Variants in PDE10A observed in about 807,000 individuals in gnomAD.
The protein encoded by PDE10A is phosphodiesterase 10A, also known as cAMP and cAMP-inhibited cGMP 3',5'-cyclic phosphodiesterase 10A.
PDE10A carries 39 observed loss-of-function variants against 97.7 expected under a neutral mutation model. The ratio of observed to expected loss-of-function variants is 0.40; its 90% CI spans 0.31 to 0.52. The LOEUF (loss-of-function observed/expected upper bound fraction) is 0.52, where lower values mean the gene tolerates loss of function less well. Among genes scored for constraint, PDE10A ranks in the 20% least tolerant of loss-of-function variants. The pLI is 0.56. For missense variants in PDE10A, 731 were observed against 1,047.8 expected (o/e 0.70, Z 4.17); for synonymous variants, 371 against 376.8 (o/e 0.98, Z 0.18).
Position 165,579,611 on chromosome 6 carries a change from A to C in PDE10A, c.866-36043T>G, listed in dbSNP as rs112715759. ...TATCATCCTTCACCTGGCTACTCCA[A>C]TAGCTTTCTAACTGGTTAACCTGCA... On this transcript the variant is annotated intron_variant, in intron 1 of 21. Coordinates refer to ENST00000539869, the MANE Select transcript of PDE10A (RefSeq NM_001385079.1). Among the ~76,000 whole-genome samples the C allele has an allele frequency of 5.1e-3, 773 of 152,280 alleles. 3 individuals are homozygous for C. The highest frequency in any genetic ancestry group is 0.017 in the African/African-American group (723 of 41,550).
chr6:165,608,217 T>A (rs901593407), intron 1 of PDE10A, among the ~76,000 whole-genome samples: 2 of 150,356 alleles, frequency 1.3e-5, no homozygotes, highest in Admixed American at 1.3e-4. Context: ...ACCCATTAAC[T>A]CGTCATTTAC....
chr6:165,365,931 T>G (rs1490859319), intron 18 of PDE10A, among the ~76,000 whole-genome samples: 2 of 151,964 alleles, frequency 1.3e-5, no homozygotes, highest in African/African-American at 4.8e-5. Flanking sequence ...TACATGCAAA[T>G]ATGCTAAAAA....
At chr6:165,701,583 A>C (rs1247926365) in intron 1 of PDE10A, among the ~76,000 whole-genome samples, 1 of 152,238 alleles carries the variant, frequency 6.6e-6, no homozygotes, top group Admixed American at 6.5e-5. Flanking sequence ...GTTGCAGAAC[A>C]GCAAGAGAAG....
chr6:165,754,411 T>A (rs947197780), intron 1 of PDE10A: 5 of 152,254 alleles, frequency 3.3e-5, no homozygotes, highest in African/African-American at 1.2e-4. Context: ...ATACTATCAC[T>A]ACTAACTACA....
At chr6:165,430,673 T>G (rs1230270882) in intron 8 of PDE10A, among the ~76,000 whole-genome samples, 2 of 152,170 alleles carry the variant, frequency 1.3e-5, no homozygotes, top group South Asian at 2.1e-4. Context: ...CAGGTCTGGA[T>G]AGTCGACCCA....
intron 7 of PDE10A, 25 bp from the exon 8 acceptor site, chr6:165,431,497 C>T (rs1443661237): frequency 1.4e-6 from 2 of 1,422,016 alleles, no homozygotes; most frequent in South Asian, 1.2e-5. Context: ...AAATACATAC[C>T]TATAAGTAAT....
intron 2 of PDE10A, among the ~76,000 whole-genome samples, chr6:165,540,892 AG>A (rs1320605191): frequency 2.6e-5 from 4 of 152,156 alleles, no homozygotes; most frequent in Non-Finnish European, 5.9e-5. Context: ...GGCCTCCCAA[AG>A]TGTTGGGATT....
intron 1 of PDE10A, among the ~76,000 whole-genome samples, chr6:165,571,529 G>C (rs1278126867): frequency 1.5e-4 from 23 of 152,194 alleles, no homozygotes. Context: ...GAGTGAGACA[G>C]GCCAGAGTTC....
intron 13 of PDE10A, among the ~76,000 whole-genome samples, chr6:165,396,733 T>C (rs1786197500): frequency 6.6e-6 from 1 of 152,194 alleles, no homozygotes; most frequent in Non-Finnish European, 1.5e-5. Flanking sequence ...TTTGTCTTCC[T>C]TAAAATGCTC....
At chr6:165,736,480 T>G (rs967454242) in intron 1 of PDE10A, among the ~76,000 whole-genome samples, 4 of 152,176 alleles carry the variant, frequency 2.6e-5, no homozygotes, top group Admixed American at 6.5e-5. Flanking sequence ...CCAACTTCAC[T>G]GTGGACCCCA....
intron 1 of PDE10A, among the ~76,000 whole-genome samples, chr6:165,776,971 T>C (rs1039431495): frequency 1.3e-5 from 2 of 152,118 alleles, no homozygotes; most frequent in Non-Finnish European, 2.9e-5. Flanking sequence ...TACACATGCA[T>C]GTTTGTTGTG....
At chr6:165,387,421 G>A (rs1785387403) in intron 17 of PDE10A, among the ~76,000 whole-genome samples, 1 of 152,110 alleles carries the variant, frequency 6.6e-6, no homozygotes, top group African/African-American at 2.4e-5. Flanking sequence ...AAGCCTTTGG[G>A]AAACTGAGGG....
intron 1 of PDE10A, among the ~76,000 whole-genome samples, chr6:165,600,779 A>G (rs1388429672): frequency 1.3e-5 from 2 of 152,352 alleles, no homozygotes; most frequent in Admixed American, 6.5e-5. Flanking sequence ...AATTGCCCTC[A>G]GCAGGACCTG....
intron 3 of PDE10A, among the ~76,000 whole-genome samples, chr6:165,473,839 C>T (rs540354293): frequency 6.6e-6 from 1 of 152,342 alleles, no homozygotes; most frequent in South Asian, 2.1e-4. Flanking sequence ...TAAGAAAATT[C>T]TATTCACAGA....
At chr6:165,470,661 A>T (rs1466439161) in intron 3 of PDE10A, among the ~76,000 whole-genome samples, 3 of 152,190 alleles carry the variant, frequency 2.0e-5, no homozygotes. Flanking sequence ...TCAATTAGAA[A>T]ACCTCTTTTC....
intron 1 of PDE10A, among the ~76,000 whole-genome samples, chr6:165,839,545 G>A (rs568451913): frequency 3.3e-5 from 5 of 152,194 alleles, no homozygotes; most frequent in Admixed American, 6.5e-5. Context: ...AAACAATTCC[G>A]AAAGATGAGA....
At chr6:165,513,807 A>G (rs1177938491) in intron 2 of PDE10A, among the ~76,000 whole-genome samples, 1 of 152,062 alleles carries the variant, frequency 6.6e-6, no homozygotes, top group Non-Finnish European at 1.5e-5. Flanking sequence ...CAGATTGTTC[A>G]TTTTTATGTA....
intron 1 of PDE10A, among the ~76,000 whole-genome samples, chr6:165,714,922 C>A (rs1486099461): frequency 7.2e-6 from 1 of 139,486 alleles, no homozygotes. Context: ...CAGCCCAGGG[C>A]AAGTAGAACC....
chr6:165,809,886 C>T (rs1779232837), intron 1 of PDE10A, among the ~76,000 whole-genome samples: 1 of 152,212 alleles, frequency 6.6e-6, no homozygotes, highest in South Asian at 2.1e-4. Context: ...CCCACAAACA[C>T]TTCCAAAACC....
Sources: allele counts gnomAD v4.1 joint callset (sites outside exome capture counted in the v4.1 genomes callset), GRCh38; gene constraint gnomAD v4.1.1; transcripts MANE v1.5; gene names NCBI Gene and HGNC (gene_info 2026-07-23, HGNC 2026-07-21).